The following FRMPD4 variants were observed in gnomAD, a reference collection of about 807,000 sequenced individuals.
FRMPD4 encodes FERM and PDZ domain containing 4.
In FRMPD4, 22 loss-of-function variants were observed where a neutral mutation model predicts 94.1. The ratio of observed to expected loss-of-function variants is 0.23; its 90% CI spans 0.17 to 0.33. The LOEUF (loss-of-function observed/expected upper bound fraction) is 0.33, where lower values mean the gene tolerates loss of function less well. Among genes scored for constraint, FRMPD4 ranks in the 10% least tolerant of loss-of-function variants. FRMPD4 has a pLI of 1.00. For missense variants in FRMPD4, 1,111 were observed against 1,339.9 expected (o/e 0.83, Z 2.67); for synonymous variants, 631 against 548.6 (o/e 1.15, Z -2.10).
At chrX:12,626,841 C>G (rs1280533659) in intron 4 of FRMPD4, among the ~76,000 whole-genome samples, 1 of 108,587 alleles carries the variant, frequency 9.2e-6, no homozygotes, top group African/African-American at 3.4e-5. Flanking sequence ...TTTCATCAGT[C>G]CCACCTCATC....
intron 5 of FRMPD4, among the ~76,000 whole-genome samples, chrX:12,678,008 C>T (rs778908042): frequency 4.5e-5 from 5 of 112,353 alleles, no homozygotes; most frequent in East Asian, 2.8e-4. Flanking sequence ...AAACTTTTCC[C>T]GCAGAGACAA....
chrX:12,421,871 C>T (rs1039199293), intron 1 of FRMPD4, among the ~76,000 whole-genome samples: 3 of 110,168 alleles, frequency 2.7e-5, no homozygotes, highest in Non-Finnish European at 3.8e-5. Flanking sequence ...AAAGCTGTTC[C>T]GGTTCTTGCC....
At chrX:12,024,378 A>G (rs993055043) in intron 3 of FRMPD4, among the ~76,000 whole-genome samples, 21 of 111,918 alleles carry the variant, frequency 1.9e-4, no homozygotes, top group Non-Finnish European at 3.2e-4. Context: ...GAAGTAAAAT[A>G]ATTTCTCCAA....
At chrX:11,984,183 G>A (rs915681397) in intron 3 of FRMPD4, among the ~76,000 whole-genome samples, 3 of 112,127 alleles carry the variant, frequency 2.7e-5, no homozygotes, top group Non-Finnish European at 5.6e-5. Context: ...TTTCCTGGGC[G>A]TTTTTCTGCT....
At chrX:12,190,947 T>C (rs926767012) in intron 1 of FRMPD4, among the ~76,000 whole-genome samples, 3 of 111,690 alleles carry the variant, frequency 2.7e-5, no homozygotes, top group Non-Finnish European at 3.8e-5. Context: ...CAAAAGACAC[T>C]GTTCAGAGAA....
At chrX:12,702,323 C>T (rs921403112) in intron 10 of FRMPD4, among the ~76,000 whole-genome samples, 20 of 112,386 alleles carry the variant, frequency 1.8e-4, no homozygotes, top group Admixed American at 5.6e-4. Flanking sequence ...ATTCTCACAA[C>T]ACCCCTATGA....
At chrX:12,069,522 G>T (rs1329494947) in intron 3 of FRMPD4, among the ~76,000 whole-genome samples, 2 of 111,869 alleles carry the variant, frequency 1.8e-5, no homozygotes, top group African/African-American at 3.2e-5. Flanking sequence ...CTTTAGAAGT[G>T]CCAATAGGAT....
chrX:11,918,877 G>A (rs1480569616), intron 3 of FRMPD4, among the ~76,000 whole-genome samples: 2 of 112,241 alleles, frequency 1.8e-5, no homozygotes, highest in Non-Finnish European at 1.9e-5. Flanking sequence ...AAACTGAGAC[G>A]GCAGCCAAGG....
chrX:12,534,462 C>T (rs1056339963), intron 2 of FRMPD4, among the ~76,000 whole-genome samples: 2 of 112,163 alleles, frequency 1.8e-5, no homozygotes, highest in South Asian at 3.8e-4. Context: ...GATCCACTGA[C>T]AGCTTGCACC....
In FRMPD4 at chrX:12,701,965, C is replaced by G; in HGVS notation, c.1025C>G (p.Thr342Ser). ...RLAALQMYIATVTTKQTQKIS... is the reference protein window; with the variant it reads ...RLAALQMYIASVTTKQTQKIS... ...GCCGCATTACAAATGTACATTGCAA[C>G]CGTTACCACCAAGCAAACGCAGAAA... The change falls in exon 10 of 17, where the codon ACC becomes AGC. Residue 342 changes from threonine (T) to serine (S), a missense_variant. By Grantham distance (58) the Thr-to-Ser change is moderately conservative. This residue lies in a region of FRMPD4 where 111 missense variants were observed against 160.7 expected (regional missense o/e 0.69). Coordinates refer to ENST00000675598, the MANE Select transcript of FRMPD4 (RefSeq NM_001368397.1). The G allele has an allele frequency of 8.3e-7, 1 of 1,209,922 alleles. No homozygotes were observed. Among genetic ancestry groups the G allele is most frequent in the Non-Finnish European group, 1.1e-6 (1 of 893,305 alleles).
intron 1 of FRMPD4, among the ~76,000 whole-genome samples, chrX:12,341,857 C>T (rs1190660161): frequency 2.7e-5 from 3 of 111,591 alleles, no homozygotes; most frequent in Non-Finnish European, 5.7e-5. Context: ...AATTAAAATT[C>T]AAAAAGCTCT....
intron 3 of FRMPD4, among the ~76,000 whole-genome samples, chrX:12,039,213 A>T (rs1569147110): frequency 9.5e-6 from 1 of 105,068 alleles, no homozygotes; most frequent in Non-Finnish European, 2.0e-5. Flanking sequence ...TTATTTATTT[A>T]TTTATTTTTA....
At chrX:12,494,631 G>A (rs2057826707) in intron 1 of FRMPD4, among the ~76,000 whole-genome samples, 1 of 111,529 alleles carries the variant, frequency 9.0e-6, no homozygotes, top group Admixed American at 9.5e-5. Flanking sequence ...TTCTCCTAGG[G>A]CGAGCTGGCC....
At chrX:11,979,780 A>G (rs913271482) in intron 3 of FRMPD4, among the ~76,000 whole-genome samples, 1 of 110,848 alleles carries the variant, frequency 9.0e-6, no homozygotes, top group African/African-American at 3.3e-5. Context: ...TGTCTCCTCT[A>G]TATGTTGCTC....
At chrX:12,555,872 C>G (rs768852194) in intron 2 of FRMPD4, among the ~76,000 whole-genome samples, 5 of 111,923 alleles carry the variant, frequency 4.5e-5, no homozygotes, top group Non-Finnish European at 9.4e-5. Flanking sequence ...AAGGTTTACC[C>G]ACTTTTATAT....
intron 3 of FRMPD4, among the ~76,000 whole-genome samples, chrX:12,083,665 G>A (rs999226653): frequency 8.9e-6 from 1 of 112,700 alleles, no homozygotes; most frequent in Admixed American, 9.3e-5. Context: ...AGCCAGGAGA[G>A]AGGCTGTACC....
intron 1 of FRMPD4, among the ~76,000 whole-genome samples, chrX:11,828,964 A>G (rs1172985738): frequency 1.8e-5 from 2 of 112,160 alleles, no homozygotes; most frequent in Non-Finnish European, 3.8e-5. Context: ...AGCTCCATGA[A>G]GAGCTGATGT....
At chrX:12,420,872 C>G (rs2056873893) in intron 1 of FRMPD4, among the ~76,000 whole-genome samples, 1 of 112,055 alleles carries the variant, frequency 8.9e-6, no homozygotes, top group Non-Finnish European at 1.9e-5. Flanking sequence ...ATCACTTAAC[C>G]ACAATCTCTC....
intron 1 of FRMPD4, among the ~76,000 whole-genome samples, chrX:12,234,116 C>T (rs2057044154): frequency 9.0e-6 from 1 of 111,474 alleles, no homozygotes; most frequent in Non-Finnish European, 1.9e-5. Context: ...GACTGGTAAG[C>T]TGTGTGGCCA....
Sources: gnomAD v4.1 joint callset for allele counts (sites outside exome capture counted in the v4.1 genomes callset) on GRCh38, gnomAD v4.1.1 for gene constraint, gnomAD v4.1.1 regional missense constraint, MANE v1.5 for transcripts, NCBI Gene and HGNC (gene_info 2026-07-23, HGNC 2026-07-21) for gene names.